Variants in PCDH15 observed in about 807,000 individuals in gnomAD.
The protein encoded by PCDH15 is protocadherin related 15, also known as protocadherin-15.
A neutral mutation model predicts 178.5 loss-of-function variants in PCDH15; 129 were observed. The observed-to-expected ratio is 0.72, with a 90% CI of 0.63 to 0.84. The LOEUF (loss-of-function observed/expected upper bound fraction) is 0.84. Among genes scored for constraint, PCDH15 ranks in the 40% least tolerant of loss-of-function variants. The probability of loss-of-function intolerance (pLI) is 0.00; values close to 1 mark genes in which losing one functional copy is unlikely to be tolerated. For missense variants in PCDH15, 2,230 were observed against 2,099.9 expected, an observed-to-expected ratio of 1.06 and a Z score of -1.21; for synonymous variants, 800 against 732.0, an observed-to-expected ratio of 1.09 and a Z score of -1.50.
intron 8 of PCDH15, among the ~76,000 whole-genome samples, chr10:54,238,229 A>T (rs1002454358): frequency 6.6e-6 from 1 of 152,110 alleles, no homozygotes; most frequent in Non-Finnish European, 1.5e-5. Context: ...TTTCTTCTCA[A>T]ATGACAGAAC....
chr10:54,485,760 T>C (rs2079056814), intron 3 of PCDH15, among the ~76,000 whole-genome samples: 1 of 151,970 alleles, frequency 6.6e-6, no homozygotes, highest in Non-Finnish European at 1.5e-5. Context: ...GGAGCATCCA[T>C]ATGCGTGTGT....
At chr10:54,454,068 T>G (rs2076655075) in intron 3 of PCDH15, among the ~76,000 whole-genome samples, 1 of 150,870 alleles carries the variant, frequency 6.6e-6, no homozygotes, top group African/African-American at 2.4e-5. Flanking sequence ...TATAACAGAT[T>G]TATAGATTTA....
At chr10:54,810,702 C>G (rs992229700) in intron 3 of PCDH15, among the ~76,000 whole-genome samples, 2 of 151,844 alleles carry the variant, frequency 1.3e-5, no homozygotes, top group African/African-American at 4.8e-5. Flanking sequence ...ACAAAGGACC[C>G]TATTTGAAAA....
At chr10:54,128,936 C>T (rs998397187) in intron 15 of PCDH15, among the ~76,000 whole-genome samples, 4 of 152,008 alleles carry the variant, frequency 2.6e-5, no homozygotes, top group Admixed American at 6.6e-5. Flanking sequence ...TAATGTAATA[C>T]AAAACATTCC....
At chr10:54,194,221 A>T (rs891819617) in intron 11 of PCDH15, among the ~76,000 whole-genome samples, 4 of 152,052 alleles carry the variant, frequency 2.6e-5, no homozygotes, top group African/African-American at 7.2e-5. Flanking sequence ...AAAAAATCTG[A>T]AAGTGCCTTC....
At chr10:54,934,143 C>A (rs1057146524) in intron 2 of PCDH15, among the ~76,000 whole-genome samples, 1 of 152,056 alleles carries the variant, frequency 6.6e-6, no homozygotes, top group Non-Finnish European at 1.5e-5. Context: ...GATTTGAAAT[C>A]TATAGTGTTT....
At chr10:55,522,845 G>A (rs779185780) in intron 2 of PCDH15, among the ~76,000 whole-genome samples, 2 of 150,978 alleles carry the variant, frequency 1.3e-5, no homozygotes, top group African/African-American at 4.9e-5. Flanking sequence ...TTACTATTTT[G>A]TTCATTGTTT....
At chr10:54,005,057 C>G (rs1036496999) in intron 20 of PCDH15, among the ~76,000 whole-genome samples, 5 of 151,538 alleles carry the variant, frequency 3.3e-5, no homozygotes, top group Non-Finnish European at 7.4e-5. Context: ...AGGAATGTAA[C>G]CAGGGAAAGG....
chr10:53,918,335 A>G (rs1403068428), intron 25 of PCDH15, among the ~76,000 whole-genome samples: 1 of 152,188 alleles, frequency 6.6e-6, no homozygotes, highest in Non-Finnish European at 1.5e-5. Flanking sequence ...ACTATTATAC[A>G]GAAGAGCCAG....
chr10:55,036,975 T>C lies in PCDH15; in HGVS notation c.-80+129601A>G, dbSNP rs1326914573. Among the ~76,000 whole-genome samples the C allele has an allele frequency of 2.6e-5, 4 of 152,176 alleles. 1 individual carries two copies. Among genetic ancestry groups the C allele is most frequent in the Admixed American group, 6.5e-5 (1 of 15,276 alleles). Reference sequence around the variant, plus strand: ...AAAATTAAATATTCACCTAACATAATTTTTTGTCTTTCAGATCAGACTTCT... The same window carrying C: ...AAAATTAAATATTCACCTAACATAACTTTTTGTCTTTCAGATCAGACTTCT... On this transcript the variant is annotated intron_variant, in intron 2 of 5. Coordinates refer to the PCDH15 transcript ENST00000458638.
At chr10:54,385,912 A>G (rs561612202) in intron 3 of PCDH15, among the ~76,000 whole-genome samples, 1 of 152,286 alleles carries the variant, frequency 6.6e-6, no homozygotes, top group South Asian at 2.1e-4. Context: ...TTTTCTAATA[A>G]TCATTGCATA....
chr10:54,443,532 C>A (rs536741476), intron 3 of PCDH15, among the ~76,000 whole-genome samples: 1 of 151,530 alleles, frequency 6.6e-6, no homozygotes, highest in East Asian at 1.9e-4. Flanking sequence ...TATTATATCC[C>A]TTATATGGAA....
intron 26 of PCDH15, among the ~76,000 whole-genome samples, chr10:53,890,427 A>G (rs895146165): frequency 3.9e-5 from 6 of 152,132 alleles, no homozygotes; most frequent in African/African-American, 1.4e-4. Context: ...ACACTGTCTC[A>G]AAAAAAAGAA....
chr10:54,302,903 T>C (rs1012263226), intron 8 of PCDH15, among the ~76,000 whole-genome samples: 1 of 152,288 alleles, frequency 6.6e-6, no homozygotes, highest in African/African-American at 2.4e-5. Flanking sequence ...TTTACAAGCC[T>C]ATATCAAAGT....
At chr10:55,198,413 CT>C (rs1840151933) in intron 1 of PCDH15, among the ~76,000 whole-genome samples, 1 of 152,064 alleles carries the variant, frequency 6.6e-6, no homozygotes, top group African/African-American at 2.4e-5. Context: ...AATCTGGTTG[CT>C]TTAAAAGTGC....
chr10:54,246,070 C>T lies in PCDH15; in HGVS notation c.877-9139G>A, dbSNP rs191610437. Among the ~76,000 whole-genome samples, 358 of 151,928 alleles carry T rather than the reference C, an allele frequency of 2.4e-3. 1 individual carries two copies. The highest frequency in any genetic ancestry group is 8.4e-3 in the African/African-American group (348 of 41,516). ...AACTTCAGGATTGCACTTTGAGCTT[C>T]ATCTTACATAAATATTGAGAGGGAC... On this transcript the variant is annotated intron_variant, in intron 8 of 37. Transcript: ENST00000644397.
intron 2 of PCDH15, among the ~76,000 whole-genome samples, chr10:55,130,971 G>T (rs996469431): frequency 8.6e-5 from 13 of 151,616 alleles, no homozygotes; most frequent in African/African-American, 3.2e-4. Context: ...AATTTATATT[G>T]ATTCTATTTC....
At chr10:54,440,640 T>C (rs1246983006) in intron 3 of PCDH15, among the ~76,000 whole-genome samples, 1 of 151,938 alleles carries the variant, frequency 6.6e-6, no homozygotes, top group Non-Finnish European at 1.5e-5. Flanking sequence ...AATTATTTTA[T>C]ATAGGTTGTC....
At chr10:55,195,023 ATTTTT>A (rs763738202) in intron 1 of PCDH15, among the ~76,000 whole-genome samples, 1 of 140,516 alleles carries the variant, frequency 7.1e-6, no homozygotes, top group African/African-American at 2.6e-5. Context: ...GAAGAAGAAA[ATTTTT>A]TTTTTTTTTT....
Sources: gnomAD v4.1 joint callset for allele counts (sites outside exome capture counted in the v4.1 genomes callset) on GRCh38, gnomAD v4.1.1 for gene constraint, MANE v1.5 for transcripts, NCBI Gene and HGNC (gene_info 2026-07-23, HGNC 2026-07-21) for gene names.